Variants in RNF32 observed in about 807,000 individuals in gnomAD.
RNF32 encodes the protein ring finger protein 32.
A neutral mutation model predicts 41.0 loss-of-function variants in RNF32; 36 were observed. The observed-to-expected ratio is 0.88, with a 90% CI of 0.67 to 1.16. RNF32 has a LOEUF of 1.16. Among genes scored for constraint, RNF32 ranks in the 50% most tolerant of loss-of-function variants. The pLI, the probability that RNF32 is intolerant of heterozygous loss-of-function variation, is 0.00. For synonymous variants in RNF32, 154 were observed against 160.9 expected, an observed-to-expected ratio of 0.96 and a Z score of 0.32; for missense variants, 413 against 436.7, an observed-to-expected ratio of 0.95 and a Z score of 0.48.
intron 7 of RNF32, chr7:156,660,021 G>A (rs773998142): frequency 9.4e-5 from 93 of 985,342 alleles, no homozygotes; most frequent in Non-Finnish European, 1.1e-4. Flanking sequence ...CGTTGGGTCC[G>A]CTGCCCTGTG....
At chr7:156,643,109 C>G (rs1033225156) in intron 1 of RNF32, 4 of 152,128 alleles carry the variant, frequency 2.6e-5, no homozygotes, top group Non-Finnish European at 4.4e-5. Flanking sequence ...GTGAAAAGAC[C>G]TACTTTAGAT....
In RNF32 at chr7:156,643,868, C is replaced by T; in HGVS notation, c.-10C>T. 1 of 1,611,628 alleles carries T rather than the reference C, an allele frequency of 6.2e-7. No individual in the cohort carries two copies. The highest frequency in any genetic ancestry group is 8.5e-7 in the Non-Finnish European group (1 of 1,177,882). On this transcript the variant is annotated 5_prime_UTR_variant, in exon 2 of 9. Transcript: ENST00000317955. ...TGTGATAGCCAAGCAACAACTTTTC[C>T]TAATTCGGCATGTTAAAAAATAAGG...
rs1357695307 is a variant in RNF32, at chr7:156,658,509, A to G, written c.623A>G (p.Asn208Ser). 6.2e-7 allele frequency: 1 copy of G among 1,614,020 alleles called. No individual in the cohort carries two copies. Among genetic ancestry groups the G allele is most frequent in the East Asian group, 2.2e-5 (1 of 44,892 alleles). ...TGTGTTGTTAGAAAGTGGTACAGAAACCTGAGGAAAACAGTACCTCCCACA... is the reference window on the plus strand; with the variant it reads ...TGTGTTGTTAGAAAGTGGTACAGAAGCCTGAGGAAAACAGTACCTCCCACA... The part of the protein sequence containing the change: ...RGCVVRKWYR[N>S]LRKTVPPTDA... Residue 208 changes from asparagine (N) to serine (S), a missense_variant, in exon 7 of 9, where the codon AAC becomes AGC. By Grantham distance (46) the Asn-to-Ser change is conservative. Transcript: ENST00000317955.
At chr7:156,651,743 A>T (rs1798767594) in intron 3 of RNF32, among the ~76,000 whole-genome samples, 3 of 152,176 alleles carry the variant, frequency 2.0e-5, no homozygotes, top group African/African-American at 7.2e-5. Context: ...TTTCTATTCT[A>T]CCTGAAGTTC....
Position 156,659,101 on chromosome 7 carries a change from A to AAAT in RNF32, c.684+531_684+532insAAT, listed in dbSNP as rs923779667. 2.9e-6 allele frequency: 4 copies of AAAT among 1,357,274 alleles called. No individual in the cohort carries two copies. The African/African-American group carries it at 4.5e-5, about 15-fold the overall frequency. The allele number at this position is 1,357,274 out of a possible 1,614,324, so 84.1% of individuals were successfully genotyped here. A position where few individuals can be genotyped will look rare whatever the true frequency, so the allele number is the denominator to read the frequency against. On this transcript the variant is annotated intron_variant, in intron 7 of 8. Transcript: ENST00000317955. Reference sequence around the variant, plus strand: ...CTTTAGTTTTACTTTTGGGGGACTTATTTAACAATTTCCCATTCCTTGTCC... The same window carrying AAAT: ...CTTTAGTTTTACTTTTGGGGGACTTAAATTTTAACAATTTCCCATTCCTTGTCC...
intron 7 of RNF32, chr7:156,660,278 C>T: frequency 1.0e-6 from 1 of 984,836 alleles, no homozygotes; most frequent in Non-Finnish European, 1.2e-6. Flanking sequence ...TTGGTCTTCT[C>T]TAAACCTCTA....
At chr7:156,668,172 A>G (rs1397785155) in intron 7 of RNF32, among the ~76,000 whole-genome samples, 1 of 152,230 alleles carries the variant, frequency 6.6e-6, no homozygotes, top group East Asian at 1.9e-4. Context: ...CAGTGCACAC[A>G]GGAAAAAGTT....
At chr7:156,645,473 CA>C (rs1563067679) in intron 3 of RNF32, among the ~76,000 whole-genome samples, 2 of 152,210 alleles carry the variant, frequency 1.3e-5, no homozygotes, top group Non-Finnish European at 2.9e-5. Context: ...TAGTACTCTT[CA>C]AAAGTATCAA....
chr7:156,671,562 T>C (rs1057064384), intron 7 of RNF32, among the ~76,000 whole-genome samples: 1 of 152,214 alleles, frequency 6.6e-6, no homozygotes, highest in South Asian at 2.1e-4. Flanking sequence ...GATGTCATCA[T>C]AGGTCGAGAC....
rs528299212 is a variant in RNF32, at chr7:156,644,042, C to CA, written c.15+151dup. 3.0e-4 allele frequency: 200 copies of CA among 673,854 alleles called. No individual in the cohort carries two copies. In the African/African-American group the frequency reaches 3.3e-3, roughly 11 times the overall value. The allele number at this position is 673,854 out of a possible 1,614,324, so 41.7% of individuals were successfully genotyped here. On this transcript the variant is annotated intron_variant, in intron 2 of 8. Transcript: ENST00000317955. ...GGGCGATGCCAAGTGTCGCATGGGG[C>CA]AGTGGACAAGCCAATGGAAAAACAA...
At chr7:156,646,917 T>C (rs1798030020) in intron 3 of RNF32, among the ~76,000 whole-genome samples, 1 of 152,198 alleles carries the variant, frequency 6.6e-6, no homozygotes, top group Non-Finnish European at 1.5e-5. Flanking sequence ...AGTGGTGCGA[T>C]CTTGGCCCAC....
intron 7 of RNF32, chr7:156,659,096 G>A (rs894884263): frequency 7.4e-7 from 1 of 1,351,240 alleles, no homozygotes; most frequent in Non-Finnish European, 9.4e-7. Flanking sequence ...ACTTTTGGGG[G>A]ACTTATTTAA....
chr7:156,644,952 A>G (rs192929923), intron 3 of RNF32, among the ~76,000 whole-genome samples, 195 bp downstream of exon 3: 156 of 152,346 alleles, frequency 1.0e-3, no homozygotes, highest in African/African-American at 3.5e-3. Context: ...AAAGATAGTA[A>G]TGGTAAGTAG....
rs2131761458 is a variant in RNF32, at chr7:156,675,787, GA to G, written c.778del (p.Ser260ValfsTer75). ...ATCGATCAGTGCTTGGCCATAAATC[GA>G]AGTGTTCTTCAGCAGTTGGAAGAAA... Reference protein sequence around the residue: ...AEIDQCLAINRSVLQQLEEKC... With the variant: ...AEIDQCLAINXSVLQQLEEKC... On this transcript the variant is annotated frameshift_variant, in exon 8 of 9. Coordinates refer to ENST00000317955, the MANE Select transcript of RNF32 (RefSeq NM_030936.4). LOFTEE classifies it high-confidence loss of function. The G allele has an allele frequency of 6.2e-7, 1 of 1,614,060 alleles. No individual in the cohort carries two copies. The highest frequency in any genetic ancestry group is 8.5e-7 in the Non-Finnish European group (1 of 1,180,006).
chr7:156,644,163 A>G (rs1356712488), intron 2 of RNF32, among the ~76,000 whole-genome samples: 1 of 152,216 alleles, frequency 6.6e-6, no homozygotes, highest in East Asian at 1.9e-4. Flanking sequence ...GCATAAGCTG[A>G]AATGGCAGGA....
In RNF32 at chr7:156,657,535, G is replaced by C; in HGVS notation, c.418-6G>C. 6.2e-7 allele frequency: 1 copy of C among 1,614,068 alleles called. No individual in the cohort carries two copies. Among genetic ancestry groups the C allele is most frequent in the Non-Finnish European group, 8.5e-7 (1 of 1,179,980 alleles). Reference sequence around the variant, plus strand: ...CTTCAACGTCGTTCTGTTTCCTCATGAACAGGTGCTGCTTTCATGCTCCCA... The same window carrying C: ...CTTCAACGTCGTTCTGTTTCCTCATCAACAGGTGCTGCTTTCATGCTCCCA... On this transcript the variant is annotated splice_polypyrimidine_tract_variant and splice_region_variant and intron_variant, in intron 4 of 8. Transcript: ENST00000317955.
In RNF32 at chr7:156,658,838, T is replaced by C. The variant is rs1039983036; in HGVS notation, c.684+268T>C. On this transcript the variant is annotated intron_variant, in intron 7 of 8. Transcript: ENST00000317955. ...TTCTGTTTGGCCATTTTGTGCTAAT[T>C]GTTTAAATAAACTTATCTCTTCAGA... The C allele has an allele frequency of 4.2e-6, 6 of 1,437,062 alleles. No homozygotes were observed. In the African/African-American group the frequency reaches 8.5e-5, roughly 20 times the overall value. The allele number at this position is 1,437,062 out of a possible 1,614,324, so 89.0% of individuals were successfully genotyped here.
intron 4 of RNF32, among the ~76,000 whole-genome samples, chr7:156,655,188 T>C (rs1000084089): frequency 1.3e-5 from 2 of 151,800 alleles, no homozygotes; most frequent in African/African-American, 2.4e-5. Context: ...AACTTTACCA[T>C]AGTAAGACTG....
At chr7:156,643,723 C>T in intron 1 of RNF32, 78 bp from the exon 2 acceptor site, 1 of 717,870 alleles carries the variant, frequency 1.4e-6, no homozygotes, top group South Asian at 1.7e-5. Context: ...CTGTTAGACT[C>T]TTACAGAGCA....
Sources: gnomAD v4.1 joint callset for allele counts (sites outside exome capture counted in the v4.1 genomes callset) on GRCh38, gnomAD v4.1.1 for gene constraint, MANE v1.5 for transcripts, NCBI Gene and HGNC (gene_info 2026-07-23, HGNC 2026-07-21) for gene names.